RPAP1: variants seen among roughly 807,000 people sequenced by gnomAD.
RPAP1 encodes RNA polymerase II-associated protein 1.
In RPAP1, 109 loss-of-function variants were observed where a neutral mutation model predicts 142.4. The ratio of observed to expected loss-of-function variants is 0.77; its 90% confidence interval spans 0.66 to 0.90. RPAP1 has a LOEUF of 0.90. RPAP1 is among the 40% of genes least tolerant of loss of function. The probability of loss-of-function intolerance (pLI) is 0.00; values close to 1 mark genes in which losing one functional copy is unlikely to be tolerated. For synonymous variants in RPAP1, 704 were observed against 738.9 expected, an observed-to-expected ratio of 0.95 and a Z score of 0.77; for missense variants, 1,546 against 1,751.7, an observed-to-expected ratio of 0.88 and a Z score of 2.10.
chr15:41,517,525 C>T lies in RPAP1; in HGVS notation c.*17G>A, dbSNP rs1273563419. ...ATACAGGACAACGTACCCATCTTTC[C>T]ATCTATATCAACTATCCTAGGTCTC... is the stretch of plus-strand genomic sequence containing the variant. On this transcript the variant is annotated 3_prime_UTR_variant, in exon 25 of 25. Coordinates refer to ENST00000304330, the MANE Select transcript of RPAP1 (RefSeq NM_015540.4). 2.6e-6 allele frequency: 4 copies of T among 1,528,396 alleles called. No homozygotes were observed. The highest frequency in any genetic ancestry group is 3.5e-6 in the Non-Finnish European group (4 of 1,137,442). 94.7% of individuals were successfully genotyped at this position (1,528,396 alleles called of 1,614,324 possible).
rs761775380 is a variant in RPAP1 at position 41,521,780 on chromosome 15, T to C, written c.2996A>G (p.His999Arg). The part of the protein sequence containing the change: ...RLLPGSEYLT[H>R]ELLLSCVFRL... Reference sequence around the variant, plus strand: ...GAATACACAGCTCAGCAGCAGCTCATGGGTGAGGTACTCACTTCCGGGCAG... The same window carrying C: ...GAATACACAGCTCAGCAGCAGCTCACGGGTGAGGTACTCACTTCCGGGCAG... Residue 999 changes from histidine (H) to arginine (R), a missense_variant, in exon 21 of 25, where the codon CAT becomes CGT. Physicochemically the swap from His to Arg is conservative, Grantham distance 29. This residue lies in a region of RPAP1 where 1,333 missense variants were observed against 1,486.6 expected (regional missense o/e 0.90). Transcript: ENST00000304330. 1.2e-6 allele frequency: 2 copies of C among 1,614,148 alleles called. No homozygotes were observed. Among genetic ancestry groups the C allele is most frequent in the East Asian group, 2.2e-5 (1 of 44,886 alleles).
Position 41,535,505 on chromosome 15 carries a change from G to A in RPAP1, c.541+7C>T, listed in dbSNP as rs773154540. The A allele has an allele frequency of 1.1e-5, 18 of 1,598,364 alleles. No homozygotes were observed. In the East Asian group the frequency reaches 1.6e-4, roughly 14 times the overall value. On this transcript the variant is annotated splice_region_variant and intron_variant, in intron 5 of 24. Transcript: ENST00000304330. ...GCCAAGCCCAATCCTCTTCAACCCC[G>A]GCTCACCCTCTGGTGGGCCCACGTT...
In RPAP1 at chr15:41,521,132, C is replaced by A. The variant is rs1349729606; in HGVS notation, c.3054G>T (p.Gly1018=). ...CAGAGAAGTCGGCTGCCTCTGGACCCCCTGATGTTCTTTCCCTGTAATGGG... is the reference window on the plus strand; with the variant it reads ...CAGAGAAGTCGGCTGCCTCTGGACCACCTGATGTTCTTTCCCTGTAATGGG... ...RLEFLPERTS[G]GPEAADFSDQ... Residue 1018 remains glycine, a synonymous_variant, in exon 22 of 25, where the codon GGG becomes GGT. Coordinates refer to ENST00000304330, the MANE Select transcript of RPAP1 (RefSeq NM_015540.4). 6.6e-7 allele frequency: 1 copy of A among 1,511,100 alleles called. No individual in the cohort carries two copies. Among genetic ancestry groups the A allele is most frequent in the Non-Finnish European group, 8.8e-7 (1 of 1,130,654 alleles). 93.6% of individuals were successfully genotyped at this position (1,511,100 alleles called of 1,614,324 possible). A position where few individuals can be genotyped will look rare whatever the true frequency, so the allele number is the denominator to read the frequency against.
At chr15:41,522,291 T>C in intron 19 of RPAP1, 41 bp from the exon 20 acceptor site, 4 of 1,588,702 alleles carry the variant, frequency 2.5e-6, no homozygotes, top group Non-Finnish European at 3.4e-6. Flanking sequence ...AAATTGACTC[T>C]CATGCCTTCT....
intron 11 of RPAP1, 114 bp from the exon 12 acceptor site, chr15:41,527,719 G>A: frequency 7.6e-6 from 11 of 1,454,706 alleles, no homozygotes; most frequent in Non-Finnish European, 1.0e-5. Context: ...TGGGCTTTAG[G>A]GACTTTAGGA....
chr15:41,517,299 C>T lies in RPAP1; in HGVS notation c.*243G>A, dbSNP rs1566881089. On this transcript the variant is annotated 3_prime_UTR_variant, in exon 25 of 25. Coordinates refer to ENST00000304330, the MANE Select transcript of RPAP1 (RefSeq NM_015540.4). ...TTTAGTTTGCCCTGTCCCCAAAGAG[C>T]GGGTAAATAGCTAAGCCACTCTTCA... is the stretch of plus-strand genomic sequence containing the variant. 3 of 384,440 alleles carry T rather than the reference C, an allele frequency of 7.8e-6. No individual in the cohort carries two copies. The highest frequency in any genetic ancestry group is 4.1e-5 in the East Asian group (1 of 24,312). The allele number at this position is 384,440 out of a possible 1,614,324, so 23.8% of individuals were successfully genotyped here. A position where few individuals can be genotyped will look rare whatever the true frequency, so the allele number is the denominator to read the frequency against.
chr15:41,534,041 G>C (rs1354192184), intron 6 of RPAP1, among the ~76,000 whole-genome samples: 1 of 151,472 alleles, frequency 6.6e-6, no homozygotes, highest in Non-Finnish European at 1.5e-5. Context: ...AGAATCATTT[G>C]AACCCAGGAG....
In RPAP1 at chr15:41,536,973, C is replaced by T; in HGVS notation, c.153G>A (p.Gln51=). ...GDANSDRPPL[Q]DHRDVVMLDN... ...CCAACATCACCACATCCCGATGGTC[C>T]TGGAGCGGAGGCCGGTCTGAGTTGG... Residue 51 remains glutamine, a synonymous_variant, in exon 2 of 25, where the codon CAG becomes CAA. Transcript: ENST00000304330. 1.2e-6 allele frequency: 2 copies of T among 1,614,138 alleles called. No individual in the cohort carries two copies. The highest frequency in any genetic ancestry group is 2.2e-5 in the South Asian group (2 of 91,078).
intron 21 of RPAP1, 68 bp downstream of exon 21, chr15:41,521,670 G>A: frequency 1.9e-6 from 3 of 1,556,824 alleles, no homozygotes; most frequent in South Asian, 1.2e-5. Context: ...CCAAATTCAG[G>A]GCTGCTCTGT....
At chr15:41,523,993 G>T in intron 16 of RPAP1, 21 bp from the exon 17 acceptor site, 1 of 1,613,250 alleles carries the variant, frequency 6.2e-7, no homozygotes, top group Non-Finnish European at 8.5e-7. Flanking sequence ...GCCAAAGGGT[G>T]CCACAGTGAG....
At position 41,525,015 on chromosome 15, in the gene RPAP1, T is replaced by C. The variant is rs886856242; in HGVS notation, c.2051A>G (p.Tyr684Cys). 1.2e-6 allele frequency: 2 copies of C among 1,613,670 alleles called. No individual in the cohort carries two copies. Among genetic ancestry groups the C allele is most frequent in the African/African-American group, 2.7e-5 (2 of 74,892 alleles). Residue 684 changes from tyrosine to cysteine, a missense_variant, in exon 15 of 25, where the codon TAT becomes TGT. By Grantham distance (194) the Tyr-to-Cys change is radical (BLOSUM62 -2). Around this residue, in one of 3 missense-constraint regions of RPAP1, gnomAD observed 1,333 missense variants for 1,486.6 expected, o/e 0.90. Transcript: ENST00000304330. The part of the protein sequence containing the change: ...ALRLWAVAAS[Y>C]GQGGYLYREL... Reference sequence around the variant, plus strand: ...CCTGTAAAGGTAACCGCCCTGGCCATAGGAGGCAGCCACAGCCCACAGACG... The same window carrying C: ...CCTGTAAAGGTAACCGCCCTGGCCACAGGAGGCAGCCACAGCCCACAGACG...
chr15:41,529,835 C>A (rs1053417911), intron 8 of RPAP1, 29 bp downstream of exon 8: 2 of 1,526,512 alleles, frequency 1.3e-6, no homozygotes, highest in African/African-American at 2.7e-5. Flanking sequence ...ATCTCACCCA[C>A]CCCTTGTAGG....
chr15:41,517,876 G>T lies in RPAP1; in HGVS notation c.3973-19C>A. 6.2e-7 allele frequency: 1 copy of T among 1,614,164 alleles called. No individual in the cohort carries two copies. ...CCTCATCCTAGAAGCAGAACAGGGA[G>T]AGGTGGCACTGAGCCGAGGGCTGGT... On this transcript the variant is annotated intron_variant, in intron 23 of 24. Coordinates refer to ENST00000304330, the MANE Select transcript of RPAP1 (RefSeq NM_015540.4).
chr15:41,525,148 A>T lies in RPAP1; in HGVS notation c.1918T>A (p.Leu640Met). Residue 640 changes from leucine (L) to methionine (M), a missense_variant and splice_region_variant, in exon 15 of 25, where the codon TTG becomes ATG. Transcript: ENST00000304330. ...SAGRNIAARL[L>M]SSFDLRSRLC... Reference sequence around the variant, plus strand: ...CGGCTCCGGAGATCAAAGCTGCTCAACTGGAAATGGGCACAGTCTGAGGAT... The same window carrying T: ...CGGCTCCGGAGATCAAAGCTGCTCATCTGGAAATGGGCACAGTCTGAGGAT... The T allele has an allele frequency of 6.2e-7, 1 of 1,606,228 alleles. No individual in the cohort carries two copies. Among genetic ancestry groups the T allele is most frequent in the Non-Finnish European group, 8.5e-7 (1 of 1,176,194 alleles).
At chr15:41,540,509 C>T (rs2051962079) in intron 1 of RPAP1, among the ~76,000 whole-genome samples, 1 of 152,142 alleles carries the variant, frequency 6.6e-6, no homozygotes, top group Non-Finnish European at 1.5e-5. Context: ...CCATGTTGGT[C>T]AGGCTGGTCT....
At chr15:41,526,834 GT>G in intron 14 of RPAP1, 63 bp downstream of exon 14, 3 of 1,488,052 alleles carry the variant, frequency 2.0e-6, no homozygotes, top group East Asian at 2.3e-5. Flanking sequence ...CAGGAGCCAT[GT>G]TTAGCTCCCA....
At chr15:41,522,422 CT>C in intron 19 of RPAP1, 172 bp from the exon 20 acceptor site, 1 of 660,528 alleles carries the variant, frequency 1.5e-6, no homozygotes, top group Non-Finnish European at 2.6e-6. Flanking sequence ...TGGAGTTTCG[CT>C]CTTGTTGCCC....
rs756584386 is a variant in RPAP1, at chr15:41,523,922, G to A, written c.2285C>T (p.Thr762Ile). Residue 762 changes from threonine (T) to isoleucine (I), a missense_variant, in exon 17 of 25, where the codon ACA (threonine) becomes ATA (isoleucine). By Grantham distance (89) the Thr-to-Ile change is moderately conservative. Around this residue, in one of 3 missense-constraint regions of RPAP1, gnomAD observed 1,333 missense variants for 1,486.6 expected, o/e 0.90. Coordinates refer to ENST00000304330, the MANE Select transcript of RPAP1 (RefSeq NM_015540.4). Reference sequence around the variant, plus strand: ...AAGAGGCTGGAGCCCAGACACCTGTGTCCAAGTGACTAAGGAAGGGGTGGC... The same window carrying A: ...AAGAGGCTGGAGCCCAGACACCTGTATCCAAGTGACTAAGGAAGGGGTGGC... ...LSATPSLVTW[T>I]QVSGLQPLVE... The A allele has an allele frequency of 5.6e-6, 9 of 1,609,530 alleles. No homozygotes were observed. Among genetic ancestry groups the A allele is most frequent in the South Asian group, 1.1e-5 (1 of 90,256 alleles).
In RPAP1 at chr15:41,524,973, C is replaced by A; in HGVS notation, c.2075+18G>T. The A allele has an allele frequency of 6.2e-7, 1 of 1,611,258 alleles. No homozygotes were observed. The highest frequency in any genetic ancestry group is 2.2e-5 in the East Asian group (1 of 44,718). On this transcript the variant is annotated intron_variant, in intron 15 of 24. Coordinates refer to ENST00000304330, the MANE Select transcript of RPAP1 (RefSeq NM_015540.4). ...ACTGAAGGTGTCTAGGGGGAGCCTACCCCCTGCCTCTCCTCACCTGTAAAG... is the reference window on the plus strand; with the variant it reads ...ACTGAAGGTGTCTAGGGGGAGCCTAACCCCTGCCTCTCCTCACCTGTAAAG...
Sources: gnomAD v4.1 joint callset for allele counts (sites outside exome capture counted in the v4.1 genomes callset) on GRCh38, gnomAD v4.1.1 for gene constraint, gnomAD v4.1.1 regional missense constraint, MANE v1.5 for transcripts, NCBI Gene and HGNC (gene_info 2026-07-23, HGNC 2026-07-21) for gene names.